FUT8: variants seen among roughly 807,000 people sequenced by gnomAD.
FUT8 encodes alpha-(1,6)-fucosyltransferase.
Under a neutral mutation model 71.3 loss-of-function variants are expected in FUT8, and 29 were observed. The observed-to-expected ratio is 0.41, with a 90% confidence interval of 0.30 to 0.55. FUT8 has a LOEUF of 0.55. Among genes scored for constraint, FUT8 ranks in the 20% least tolerant of loss-of-function variants. The probability of loss-of-function intolerance (pLI) is 0.34; values close to 1 mark genes in which losing one functional copy is unlikely to be tolerated. For missense variants in FUT8, 544 were observed against 702.1 expected, an observed-to-expected ratio of 0.77 and a Z score of 2.55; for synonymous variants, 254 against 239.3, an observed-to-expected ratio of 1.06 and a Z score of -0.57.
At chr14:65,436,575 G>A (rs1005978034) in intron 1 of FUT8, among the ~76,000 whole-genome samples, 1 of 150,978 alleles carries the variant, frequency 6.6e-6, no homozygotes, top group Admixed American at 6.6e-5. Flanking sequence ...CTGGCAGTGA[G>A]CCAAGATCGT....
chr14:65,520,378 C>T (rs1247487074), intron 2 of FUT8, among the ~76,000 whole-genome samples: 1 of 152,020 alleles, frequency 6.6e-6, no homozygotes, highest in Non-Finnish European at 1.5e-5. Context: ...TATGACTTCT[C>T]ATTTTCTTAA....
chr14:65,713,261 T>C (rs953504090), intron 7 of FUT8, among the ~76,000 whole-genome samples: 46 of 152,238 alleles, frequency 3.0e-4, no homozygotes, highest in Admixed American at 3.0e-3. Context: ...GGCTGAATAG[T>C]ACTACATTGT....
chr14:65,637,813 G>A (rs149494616), intron 6 of FUT8, among the ~76,000 whole-genome samples: 1 of 152,190 alleles, frequency 6.6e-6, no homozygotes, highest in East Asian at 1.9e-4. Flanking sequence ...CTTACTTCTG[G>A]TCTTTTGTGT....
rs1890916728 is a variant in FUT8 at position 65,643,101 on chromosome 14, C to G, written c.597+13495C>G. On this transcript the variant is annotated intron_variant, in intron 6 of 10. Transcript: ENST00000673929. The surrounding 1 kb of genome is among the most constrained non-coding windows in gnomAD (Gnocchi z 4.5). Reference sequence around the variant, plus strand: ...TAAAACTAAAATCCTTACCAAAGTCCAAATTTCAGCTTTTAGGTTTTCTTA... The same window carrying G: ...TAAAACTAAAATCCTTACCAAAGTCGAAATTTCAGCTTTTAGGTTTTCTTA... 6.6e-6 allele frequency among the ~76,000 whole-genome samples: 1 copy of G among 152,116 alleles called. No individual in the cohort carries two copies. Among genetic ancestry groups the G allele is most frequent in the Admixed American group, 6.5e-5 (1 of 15,272 alleles).
In FUT8 at chr14:65,525,231, C is replaced by G. The variant is rs138792708; in HGVS notation, c.-227-36106C>G. On this transcript the variant is annotated intron_variant, in intron 2 of 10. Coordinates refer to ENST00000673929, the MANE Select transcript of FUT8 (RefSeq NM_001371533.1). ...GTTGGTAGGCTATTAATCATTGCCT[C>G]AATTTCAGAGCCTGTGATTGGTCTA... Among the ~76,000 whole-genome samples, 767 of 152,286 alleles carry G rather than the reference C, an allele frequency of 5.0e-3. 6 individuals carry two copies. Among genetic ancestry groups the G allele is most frequent in the African/African-American group, 0.018 (739 of 41,558 alleles).
At chr14:65,686,715 A>G (rs1893303793) in intron 7 of FUT8, among the ~76,000 whole-genome samples, 2 of 152,212 alleles carry the variant, frequency 1.3e-5, no homozygotes, top group South Asian at 4.1e-4. Context: ...AGAACAAGAA[A>G]CTGTTTTTTT....
chr14:65,475,885 G>T (rs2066231473), intron 2 of FUT8, among the ~76,000 whole-genome samples: 1 of 152,140 alleles, frequency 6.6e-6, no homozygotes, highest in African/African-American at 2.4e-5. Context: ...GCAACCTCTG[G>T]AATTTGAGGC....
At chr14:65,658,259 A>G (rs559848522) in intron 6 of FUT8, among the ~76,000 whole-genome samples, 2 of 152,312 alleles carry the variant, frequency 1.3e-5, no homozygotes, top group South Asian at 4.1e-4. Context: ...ATGATGAGAT[A>G]CAATTAGTCA....
chr14:65,623,767 G>GCACTTTATTGTATCCTCAATA (rs1449928062), intron 5 of FUT8, among the ~76,000 whole-genome samples: 1 of 152,082 alleles, frequency 6.6e-6, no homozygotes, highest in Non-Finnish European at 1.5e-5. Flanking sequence ...GTGTCTTCAG[G>GCACTTTATTGTATCCTCAATA]CAACTTTATT....
intron 2 of FUT8, chr14:65,468,072 TTACAA>T: frequency 1.5e-6 from 1 of 649,704 alleles, no homozygotes; most frequent in East Asian, 2.9e-5. Flanking sequence ...GACAAGTTGT[TTACAA>T]TACCAACAGC....
intron 1 of FUT8, among the ~76,000 whole-genome samples, chr14:65,432,944 A>AACTTGCC (rs2065499020): frequency 6.6e-6 from 1 of 152,024 alleles, no homozygotes; most frequent in African/African-American, 2.4e-5. Flanking sequence ...CTTTACTTTA[A>AACTTGCC]TAAACTTGCT....
the FUT8 span, among the ~76,000 whole-genome samples, chr14:65,369,534 C>T: frequency 6.9e-6 from 1 of 145,796 alleles, no homozygotes; most frequent in African/African-American, 2.4e-5. The surrounding 1 kb of genome is among the most constrained non-coding windows in gnomAD (Gnocchi z 4.6). Context: ...AAAGACCCTG[C>T]TGATAAAAGG....
chr14:65,650,064 A>T (rs1255831811), intron 6 of FUT8, among the ~76,000 whole-genome samples: 1 of 152,164 alleles, frequency 6.6e-6, no homozygotes, highest in Non-Finnish European at 1.5e-5. Flanking sequence ...TGGGAGGCCA[A>T]GGCGGGCGGA....
intron 5 of FUT8, among the ~76,000 whole-genome samples, chr14:65,616,893 G>T (rs1452169160): frequency 6.6e-6 from 1 of 152,020 alleles, no homozygotes; most frequent in Admixed American, 6.6e-5. Flanking sequence ...CTGGAAAGAG[G>T]TACCTGAGAT....
At chr14:65,567,193 C>T (rs1886241588) in intron 3 of FUT8, among the ~76,000 whole-genome samples, 1 of 151,838 alleles carries the variant, frequency 6.6e-6, no homozygotes, top group Admixed American at 6.6e-5. Flanking sequence ...TTTGTTTGGT[C>T]TAGGAAAGGA....
In FUT8 at chr14:65,607,065, T is replaced by C. The variant is rs1256533702; in HGVS notation, c.204-8913T>C. Among the ~76,000 whole-genome samples the C allele has an allele frequency of 6.6e-6, 1 of 151,944 alleles. No homozygotes were observed. The highest frequency in any genetic ancestry group is 1.9e-4 in the East Asian group (1 of 5,204). On this transcript the variant is annotated intron_variant, in intron 3 of 10. Transcript: ENST00000673929. This position sits in a 1 kb window ranked among gnomAD's most constrained non-coding sequence, Gnocchi z 4.1. The stretch of plus-strand genomic sequence containing the variant: ...GACTTTAATTTCTGTACATTGATAT[T>C]GTATATAGTGATGTCCCTGAACTTT...
intron 6 of FUT8, among the ~76,000 whole-genome samples, chr14:65,633,144 G>T (rs905578036): frequency 1.3e-5 from 2 of 151,530 alleles, no homozygotes; most frequent in African/African-American, 4.9e-5. Context: ...TCAGCCTGCC[G>T]AGTGCCTGCG....
intron 2 of FUT8, chr14:65,468,297 A>G (rs1421914797): frequency 3.2e-6 from 2 of 616,218 alleles, no homozygotes; most frequent in Non-Finnish European, 6.1e-6. Context: ...TAAAAGGCCT[A>G]GAGAACATAT....
At chr14:65,461,921 A>G (rs1322961226) in intron 2 of FUT8, among the ~76,000 whole-genome samples, 2 of 152,156 alleles carry the variant, frequency 1.3e-5, no homozygotes, top group Non-Finnish European at 2.9e-5. Flanking sequence ...GGAAGCAATA[A>G]TGGTGAATGA....
Sources: gnomAD v4.1 joint callset for allele counts (sites outside exome capture counted in the v4.1 genomes callset) on GRCh38, gnomAD v4.1.1 for gene constraint, Gnocchi (gnomAD v3.1) non-coding constraint, MANE v1.5 for transcripts, NCBI Gene and HGNC (gene_info 2026-07-23, HGNC 2026-07-21) for gene names.